The following COG5 variants were observed in gnomAD, a reference collection of about 807,000 sequenced individuals.
COG5 encodes the protein conserved oligomeric Golgi complex subunit 5.
A neutral mutation model predicts 110.4 loss-of-function variants in COG5; 86 were observed. The ratio of observed to expected loss-of-function variants is 0.78; its 90% CI spans 0.65 to 0.93. The LOEUF (loss-of-function observed/expected upper bound fraction) is 0.93. Ranked by LOEUF, COG5 falls within the 40% of genes least tolerant of loss-of-function variation. The probability of loss-of-function intolerance (pLI) is 0.00; values close to 1 mark genes in which losing one functional copy is unlikely to be tolerated. For synonymous variants in COG5, 360 were observed against 334.6 expected (o/e 1.08, Z -0.83); for missense variants, 1,077 against 987.0 (o/e 1.09, Z -1.22).
At chr7:107,487,815 G>GAC (rs1797737328) in intron 6 of COG5, among the ~76,000 whole-genome samples, 1 of 151,890 alleles carries the variant, frequency 6.6e-6, no homozygotes, top group Admixed American at 6.6e-5. Context: ...CTAAAATTAT[G>GAC]ACATAGATTT....
intron 7 of COG5, among the ~76,000 whole-genome samples, chr7:107,405,932 A>T (rs1791801478): frequency 6.6e-6 from 1 of 152,144 alleles, no homozygotes; most frequent in Non-Finnish European, 1.5e-5. Context: ...CTCAGTAGAT[A>T]CCCAATCTGC....
At chr7:107,341,694 G>C (rs550636355) in intron 10 of COG5, among the ~76,000 whole-genome samples, 1 of 152,180 alleles carries the variant, frequency 6.6e-6, no homozygotes, top group Non-Finnish European at 1.5e-5. Flanking sequence ...CAATGGAACA[G>C]AATGGAGAAC....
intron 6 of COG5, among the ~76,000 whole-genome samples, chr7:107,525,688 G>A (rs919722892): frequency 2.0e-5 from 3 of 152,000 alleles, no homozygotes; most frequent in Admixed American, 6.6e-5. Context: ...AAGTAGTTGA[G>A]ACTGCAGGCA....
At position 107,420,288 on chromosome 7, in the gene COG5, A is replaced by T. The variant is rs76367661; in HGVS notation, c.539-7656T>A. ...AGGGTTGTATGGAGCAAGTAAGGCAATATGCATGAAGCACGTTTTGTAGAC... is the reference window on the plus strand; with the variant it reads ...AGGGTTGTATGGAGCAAGTAAGGCATTATGCATGAAGCACGTTTTGTAGAC... On this transcript the variant is annotated intron_variant, in intron 6 of 21. Transcript: ENST00000297135. Among the ~76,000 whole-genome samples the T allele has an allele frequency of 5.1e-3, 780 of 152,310 alleles. 12 individuals are homozygous for T. Among genetic ancestry groups the T allele is most frequent in the African/African-American group, 0.018 (739 of 41,566 alleles).
intron 2 of COG5, among the ~76,000 whole-genome samples, chr7:107,555,196 A>T (rs1299237089): frequency 6.6e-6 from 1 of 152,162 alleles, no homozygotes; most frequent in African/African-American, 2.4e-5. Flanking sequence ...CTTTTATGAA[A>T]ATTAGGGCAC....
At chr7:107,385,198 G>T (rs1790097332) in intron 7 of COG5, among the ~76,000 whole-genome samples, 1 of 152,176 alleles carries the variant, frequency 6.6e-6, no homozygotes. Flanking sequence ...GAATACCCAG[G>T]ATTGAGATTG....
chr7:107,413,764 T>A (rs1792489232), intron 6 of COG5, among the ~76,000 whole-genome samples: 1 of 152,212 alleles, frequency 6.6e-6, no homozygotes, highest in East Asian at 1.9e-4. Flanking sequence ...TAACAATGAC[T>A]AACATTTTTG....
chr7:107,261,624 A>G (rs1231121855), intron 14 of COG5, among the ~76,000 whole-genome samples: 1 of 152,166 alleles, frequency 6.6e-6, no homozygotes. Context: ...TTAAATCAAT[A>G]TTCAAATAGA....
intron 16 of COG5, 54 bp from the exon 17 acceptor site, chr7:107,248,553 C>A: frequency 8.0e-7 from 1 of 1,247,912 alleles, no homozygotes; most frequent in South Asian, 1.3e-5. Flanking sequence ...AGAAAAACAA[C>A]CCAAAGAAAT....
At chr7:107,211,379 C>T (rs571594321) in intron 19 of COG5, among the ~76,000 whole-genome samples, 154 bp from the exon 20 acceptor site, 4 of 152,286 alleles carry the variant, frequency 2.6e-5, no homozygotes, top group Non-Finnish European at 5.9e-5. Context: ...CCTTGAGACG[C>T]CCACAAGCCT....
intron 19 of COG5, among the ~76,000 whole-genome samples, chr7:107,224,151 G>C (rs192062910): frequency 6.4e-4 from 98 of 152,224 alleles, no homozygotes; most frequent in Admixed American, 6.3e-3. Flanking sequence ...GATGGGTTAA[G>C]GGCTCCAGAT....
intron 19 of COG5, among the ~76,000 whole-genome samples, chr7:107,211,482 G>A (rs974461850): frequency 2.0e-5 from 3 of 151,994 alleles, no homozygotes; most frequent in African/African-American, 7.3e-5. Context: ...GACATCCACC[G>A]GACTCAGCAA....
chr7:107,249,690 TTGTGTGTG>T (rs57572752), intron 16 of COG5, among the ~76,000 whole-genome samples: 12,767 of 131,572 alleles, frequency 0.097, 907 homozygotes, highest in African/African-American at 0.19. Flanking sequence ...ACGTACAGGA[TTGTGTGTG>T]TGTGTGTGTG....
At chr7:107,379,512 A>C (rs1167483394) in intron 7 of COG5, among the ~76,000 whole-genome samples, 1 of 151,710 alleles carries the variant, frequency 6.6e-6, no homozygotes, top group Non-Finnish European at 1.5e-5. Flanking sequence ...TTGGTGGGCT[A>C]TACTCAGGAG....
At chr7:107,480,046 T>G (rs1797242002) in intron 6 of COG5, among the ~76,000 whole-genome samples, 1 of 152,124 alleles carries the variant, frequency 6.6e-6, no homozygotes, top group Non-Finnish European at 1.5e-5. Flanking sequence ...AAAACAGTTT[T>G]TAATTAAAAT....
intron 18 of COG5, among the ~76,000 whole-genome samples, chr7:107,231,476 C>A (rs1800769454): frequency 6.6e-6 from 1 of 152,172 alleles, no homozygotes; most frequent in Non-Finnish European, 1.5e-5. Flanking sequence ...CTGTTCTTTT[C>A]TACCAAGTGC....
Position 107,203,512 on chromosome 7 carries a change from G to A in COG5, c.*4C>T, listed in dbSNP as rs758354967. 2.5e-6 allele frequency: 4 copies of A among 1,597,830 alleles called. No individual in the cohort carries two copies. The East Asian group carries it at 6.7e-5, about 27-fold the overall frequency. On this transcript the variant is annotated 3_prime_UTR_variant, in exon 22 of 22. Transcript: ENST00000297135. ...AAGTGGAGATGAACAAAGATTTCAT[G>A]TCATTACTGAAGAGCAGACATAGCC...
chr7:107,331,153 A>G (rs995672932), intron 10 of COG5, among the ~76,000 whole-genome samples: 1 of 152,152 alleles, frequency 6.6e-6, no homozygotes, highest in Non-Finnish European at 1.5e-5. Flanking sequence ...TTTTAATAAG[A>G]TAATACCATG....
At chr7:107,437,593 T>C (rs1348312791) in intron 6 of COG5, among the ~76,000 whole-genome samples, 2 of 152,178 alleles carry the variant, frequency 1.3e-5, no homozygotes, top group Non-Finnish European at 2.9e-5. Flanking sequence ...TCTGTGACAG[T>C]TGCTCTCTTA....
Sources: gnomAD v4.1 joint callset for allele counts (sites outside exome capture counted in the v4.1 genomes callset) on GRCh38, gnomAD v4.1.1 for gene constraint, MANE v1.5 for transcripts, NCBI Gene and HGNC (gene_info 2026-07-23, HGNC 2026-07-21) for gene names.